PCDH7: variants seen among roughly 807,000 people sequenced by gnomAD.
The protein encoded by PCDH7 is protocadherin-7.
In PCDH7, 17 loss-of-function variants were observed where a neutral mutation model predicts 58.9. The observed-to-expected ratio is 0.29, with a 90% CI of 0.20 to 0.43. The LOEUF (loss-of-function observed/expected upper bound fraction) is 0.43. Ranked by LOEUF, PCDH7 falls within the 20% of genes least tolerant of loss-of-function variation. The probability of loss-of-function intolerance (pLI) is 1.00; values close to 1 mark genes in which losing one functional copy is unlikely to be tolerated. For synonymous variants in PCDH7, 664 were observed against 616.4 expected (o/e 1.08, Z -1.14); for missense variants, 1,274 against 1,441.0 (o/e 0.88, Z 1.88).
chr4:30,968,370 C>T (rs34267348), intron 3 of PCDH7, among the ~76,000 whole-genome samples: 19,890 of 80,574 alleles, frequency 0.25, 3,746 homozygotes, highest in African/African-American at 0.37. Flanking sequence ...TATATATATA[C>T]ACACACTATA....
At chr4:30,804,356 T>A (rs1323664542) in intron 1 of PCDH7, among the ~76,000 whole-genome samples, 3 of 152,020 alleles carry the variant, frequency 2.0e-5, no homozygotes, top group Non-Finnish European at 2.9e-5. Context: ...CTGGTCAATA[T>A]GGTGAAACCC....
At chr4:30,911,958 A>C (rs1397275156) in intron 1 of PCDH7, among the ~76,000 whole-genome samples, 1 of 152,176 alleles carries the variant, frequency 6.6e-6, no homozygotes. Context: ...TAAGAATTAT[A>C]ATAAGCACCT....
chr4:30,949,263 T>G (rs2109445493), intron 2 of PCDH7, among the ~76,000 whole-genome samples: 1 of 152,310 alleles, frequency 6.6e-6, no homozygotes, highest in African/African-American at 2.4e-5. Context: ...AGAAACATTT[T>G]TTATATATGA....
intron 3 of PCDH7, among the ~76,000 whole-genome samples, chr4:31,090,976 T>C (rs2109284393): frequency 6.6e-6 from 1 of 152,168 alleles, no homozygotes; most frequent in South Asian, 2.1e-4. Context: ...GAAAAACACT[T>C]GATGAAGTAC....
intron 2 of PCDH7, among the ~76,000 whole-genome samples, chr4:30,920,674 C>T (rs753198119): frequency 6.6e-6 from 1 of 152,098 alleles, no homozygotes; most frequent in South Asian, 2.1e-4. Flanking sequence ...ACAATAGTCA[C>T]CAAGAAAGGT....
chr4:30,766,375 T>C (rs940601911), intron 1 of PCDH7, among the ~76,000 whole-genome samples: 3 of 152,148 alleles, frequency 2.0e-5, no homozygotes, highest in Non-Finnish European at 4.4e-5. Flanking sequence ...AAAAATTTTC[T>C]TTGAATAAGA....
intron 3 of PCDH7, among the ~76,000 whole-genome samples, chr4:31,110,133 A>C (rs1305505098): frequency 2.0e-5 from 3 of 152,226 alleles, no homozygotes; most frequent in Non-Finnish European, 4.4e-5. Context: ...ACCAACCATG[A>C]ATGGTAAATA....
intron 3 of PCDH7, among the ~76,000 whole-genome samples, chr4:31,101,850 T>C (rs1166146687): frequency 6.6e-6 from 1 of 152,212 alleles, no homozygotes; most frequent in Non-Finnish European, 1.5e-5. Flanking sequence ...GCTTGTTGCA[T>C]CTGTACACTC....
intron 3 of PCDH7, among the ~76,000 whole-genome samples, chr4:31,138,491 A>G (rs1182868197): frequency 6.6e-6 from 1 of 152,094 alleles, no homozygotes; most frequent in East Asian, 1.9e-4. Flanking sequence ...GTTATATTTT[A>G]AGAAGAAGCA....
At chr4:30,788,055 C>G (rs1257014784) in intron 1 of PCDH7, among the ~76,000 whole-genome samples, 1 of 152,012 alleles carries the variant, frequency 6.6e-6, no homozygotes, top group Non-Finnish European at 1.5e-5. Context: ...AGTCTGCAGA[C>G]ACTTGGAAAC....
intron 3 of PCDH7, among the ~76,000 whole-genome samples, chr4:31,005,591 CCATATAA>C (rs1752704506): frequency 6.6e-6 from 1 of 152,136 alleles, no homozygotes; most frequent in Non-Finnish European, 1.5e-5. Flanking sequence ...GATTTCAAAA[CCATATAA>C]CACTTTTTCT....
chr4:30,789,861 T>G (rs1187623250), intron 1 of PCDH7, among the ~76,000 whole-genome samples: 1 of 152,186 alleles, frequency 6.6e-6, no homozygotes, highest in Admixed American at 6.5e-5. Flanking sequence ...TATGTCCCCC[T>G]GTTTCTAAAT....
intron 1 of PCDH7, among the ~76,000 whole-genome samples, chr4:30,803,744 A>ATAGCAC (rs1725828806): frequency 6.6e-6 from 1 of 152,214 alleles, no homozygotes; most frequent in Non-Finnish European, 1.5e-5. Flanking sequence ...TAGCACATGC[A>ATAGCAC]AATACACTGA....
intron 1 of PCDH7, among the ~76,000 whole-genome samples, chr4:30,815,321 G>A (rs1727533437): frequency 6.6e-6 from 1 of 151,908 alleles, no homozygotes; most frequent in Admixed American, 6.6e-5. Context: ...AGGCAGAGGG[G>A]GAGAGACCGA....
chr4:31,081,153 A>T lies in PCDH7; in HGVS notation c.*8-61320A>T, dbSNP rs140110120. Among the ~76,000 whole-genome samples, 148 of 152,366 alleles carry T rather than the reference A, an allele frequency of 9.7e-4. 2 individuals are homozygous for T. Among genetic ancestry groups the T allele is most frequent in the African/African-American group, 3.5e-3 (145 of 41,588 alleles). On this transcript the variant is annotated intron_variant, in intron 3 of 3. Coordinates refer to the PCDH7 transcript ENST00000509759. ...CATGCAGTATTTTGGAATAAAGAAG[A>T]AAAACTCTAAATGGAATTTCTGGTA...
At chr4:30,738,101 GT>G (rs1716551023) in intron 1 of PCDH7, among the ~76,000 whole-genome samples, 1 of 151,980 alleles carries the variant, frequency 6.6e-6, no homozygotes, top group African/African-American at 2.4e-5. Context: ...AAGAACACTG[GT>G]CCTATCAGAT....
At chr4:30,829,827 A>C (rs1729551067) in intron 1 of PCDH7, among the ~76,000 whole-genome samples, 1 of 152,036 alleles carries the variant, frequency 6.6e-6, no homozygotes, top group South Asian at 2.1e-4. Context: ...CTAAAATAGA[A>C]GGGGGATGGA....
At chr4:30,880,049 A>C (rs773945977) in intron 1 of PCDH7, among the ~76,000 whole-genome samples, 19 of 152,118 alleles carry the variant, frequency 1.2e-4, no homozygotes, top group Non-Finnish European at 2.4e-4. Context: ...CTTAGTCAGT[A>C]TACCAGATTG....
At chr4:30,826,443 T>C (rs16884142) in intron 1 of PCDH7, among the ~76,000 whole-genome samples, 1,826 of 152,048 alleles carry the variant, frequency 0.012, 44 homozygotes, top group African/African-American at 0.042. Flanking sequence ...CCACCCTCGG[T>C]CCAACTGAGT....
Sources: allele counts gnomAD v4.1 joint callset (sites outside exome capture counted in the v4.1 genomes callset), GRCh38; gene constraint gnomAD v4.1.1; transcripts MANE v1.5; gene names NCBI Gene and HGNC (gene_info 2026-07-23, HGNC 2026-07-21).